RGS8: variants seen among roughly 807,000 people sequenced by gnomAD.
RGS8 encodes regulator of G-protein signaling 8.
A neutral mutation model predicts 21.7 loss-of-function variants in RGS8; 8 were observed. That is an observed-to-expected ratio of 0.37 (90% CI 0.22 to 0.66). The LOEUF is 0.66. Ranked by LOEUF, RGS8 falls within the 30% of genes least tolerant of loss-of-function variation. RGS8 has a pLI of 0.59. For missense variants in RGS8, 157 were observed against 217.9 expected (o/e 0.72, Z 1.76); for synonymous variants, 80 against 83.6 (o/e 0.96, Z 0.24).
chr1:182,641,940 T>A (rs1295461937), downstream of RGS8: 2 of 152,222 alleles, frequency 1.3e-5, no homozygotes, highest in Non-Finnish European at 2.9e-5. Context: ...GCGGTTTATA[T>A]GGCAGATGAG....
At chr1:182,715,836 C>G in the RGS8 span, among the ~76,000 whole-genome samples, 163 of 152,184 alleles carry the variant, frequency 1.1e-3, no homozygotes, top group African/African-American at 3.8e-3. Flanking sequence ...CACAGTGAAA[C>G]AGAATAATAA....
chr1:182,682,870 C>T (rs1420613174), intron 1 of RGS8, among the ~76,000 whole-genome samples: 19 of 152,024 alleles, frequency 1.2e-4, no homozygotes, highest in Admixed American at 1.2e-3. Flanking sequence ...TCTAAGAGCC[C>T]CTTGCTATAG....
At chr1:182,706,051 C>T in the RGS8 span, among the ~76,000 whole-genome samples, 1 of 152,242 alleles carries the variant, frequency 6.6e-6, no homozygotes, top group Non-Finnish European at 1.5e-5. Flanking sequence ...GTCACCATCT[C>T]GGGTCCCCGC....
chr1:182,720,980 TATAC>T, the RGS8 span, among the ~76,000 whole-genome samples: 3 of 101,432 alleles, frequency 3.0e-5, no homozygotes, highest in Non-Finnish European at 6.0e-5. Flanking sequence ...TATATACATA[TATAC>T]ACATATATAT....
the RGS8 span, chr1:182,734,635 C>T: frequency 6.6e-6 from 1 of 152,084 alleles, no homozygotes; most frequent in Non-Finnish European, 1.5e-5. Context: ...TAAGGCTTGA[C>T]CAAGACAATC....
intron 5 of RGS8, among the ~76,000 whole-genome samples, chr1:182,662,240 G>C (rs1056418725): frequency 6.6e-6 from 1 of 152,146 alleles, no homozygotes; most frequent in Non-Finnish European, 1.5e-5. Flanking sequence ...TTTAACACAG[G>C]CACCATAGTC....
At chr1:182,655,890 C>T (rs1196715604) in intron 5 of RGS8, among the ~76,000 whole-genome samples, 2 of 152,162 alleles carry the variant, frequency 1.3e-5, no homozygotes, top group East Asian at 3.8e-4. Context: ...TAACTCAATC[C>T]TTACATCAAC....
intron 6 of RGS8, among the ~76,000 whole-genome samples, chr1:182,647,699 G>A (rs1258233531): frequency 2.6e-5 from 4 of 151,392 alleles, no homozygotes; most frequent in Admixed American, 6.6e-5. Context: ...AAGTAGGTAC[G>A]CTTTTACATT....
the RGS8 span, among the ~76,000 whole-genome samples, chr1:182,731,397 G>A: frequency 6.6e-6 from 1 of 152,134 alleles, no homozygotes; most frequent in Non-Finnish European, 1.5e-5. Context: ...TCCTTTACCT[G>A]TTCCCAAGAC....
intron 5 of RGS8, 98 bp downstream of exon 6, chr1:182,665,871 A>T (rs757275708): frequency 9.8e-7 from 1 of 1,017,922 alleles, no homozygotes; most frequent in Non-Finnish European, 1.5e-6. Context: ...GGTCTGGAAC[A>T]CCTAGTACAT....
chr1:182,651,386 T>C (rs972092567), intron 5 of RGS8, among the ~76,000 whole-genome samples: 2 of 152,238 alleles, frequency 1.3e-5, no homozygotes, highest in African/African-American at 4.8e-5. Context: ...GTACAGTATT[T>C]AGTAAATTAC....
At chr1:182,747,851 A>T in the RGS8 span, among the ~76,000 whole-genome samples, 1 of 151,738 alleles carries the variant, frequency 6.6e-6, no homozygotes, top group Non-Finnish European at 1.5e-5. Flanking sequence ...AAAATACGAA[A>T]AAAAAAAAAA....
intron 1 of RGS8, among the ~76,000 whole-genome samples, chr1:182,679,098 C>T (rs566008025): frequency 6.6e-6 from 1 of 152,170 alleles, no homozygotes; most frequent in Non-Finnish European, 1.5e-5. Context: ...TCTTTATTTT[C>T]TCTTTCTCAC....
At chr1:182,730,155 G>T in the RGS8 span, among the ~76,000 whole-genome samples, 1 of 152,146 alleles carries the variant, frequency 6.6e-6, no homozygotes, top group Non-Finnish European at 1.5e-5. Context: ...CTTAATTTGA[G>T]CAGTCTTCCA....
upstream of RGS8, among the ~76,000 whole-genome samples, chr1:182,687,677 G>A (rs1664738543): frequency 6.6e-6 from 1 of 152,180 alleles, no homozygotes. Flanking sequence ...TTCAAGAACA[G>A]GGACTCTCTT....
At chr1:182,744,383 C>T in the RGS8 span, among the ~76,000 whole-genome samples, 7 of 152,156 alleles carry the variant, frequency 4.6e-5, no homozygotes, top group African/African-American at 1.2e-4. Flanking sequence ...GTGCCTCCAC[C>T]TCCCAAAGTG....
At chr1:182,675,787 C>T (rs992037346), upstream of RGS8, among the ~76,000 whole-genome samples, 5 of 152,166 alleles carry the variant, frequency 3.3e-5, no homozygotes, top group African/African-American at 1.2e-4. Context: ...TGCTGTAAGG[C>T]CCTCTGACAG....
intron 3 of RGS8, 49 bp downstream of exon 4, chr1:182,669,575 G>T (rs537192584): frequency 6.2e-7 from 1 of 1,613,960 alleles, no homozygotes; most frequent in Non-Finnish European, 8.5e-7. Context: ...ACAAGGTGGA[G>T]AAAAGAGGAA....
the RGS8 span, among the ~76,000 whole-genome samples, chr1:182,741,143 G>A: frequency 7.4e-6 from 1 of 135,482 alleles, no homozygotes. Flanking sequence ...GGGCAGAGGC[G>A]CCCCTCACCT....
Sources: allele counts gnomAD v4.1 joint callset (sites outside exome capture counted in the v4.1 genomes callset), GRCh38; gene constraint gnomAD v4.1.1; transcripts MANE v1.5; gene names NCBI Gene and HGNC (gene_info 2026-07-23, HGNC 2026-07-21).